PLAG1: variants seen among roughly 807,000 people sequenced by gnomAD.
PLAG1 encodes zinc finger protein PLAG1.
In PLAG1, 7 loss-of-function variants were observed where a neutral mutation model predicts 35.5. The ratio of observed to expected loss-of-function variants is 0.20; its 90% CI spans 0.11 to 0.37. The LOEUF is 0.37. PLAG1 is among the 10% of genes least tolerant of loss of function. The pLI, the probability that PLAG1 is intolerant of heterozygous loss-of-function variation, is 1.00. For missense variants in PLAG1, 454 were observed against 602.8 expected (o/e 0.75, Z 2.58); for synonymous variants, 229 against 225.4 (o/e 1.02, Z -0.14).
intron 1 of PLAG1, among the ~76,000 whole-genome samples, chr8:56,182,450 G>T (rs1340428844): frequency 6.6e-6 from 1 of 152,072 alleles, no homozygotes; most frequent in African/African-American, 2.4e-5. Flanking sequence ...AGGGGAGAAA[G>T]ACCAGAGATA....
intron 1 of PLAG1, among the ~76,000 whole-genome samples, 177 bp downstream of exon 1, chr8:56,210,944 T>A (rs758798039): frequency 1.5e-4 from 23 of 152,160 alleles, no homozygotes; most frequent in South Asian, 4.1e-4. Flanking sequence ...TATTTTATTT[T>A]TTATTATTAT....
At chr8:56,182,552 G>C (rs562151958) in intron 1 of PLAG1, among the ~76,000 whole-genome samples, 5 of 152,054 alleles carry the variant, frequency 3.3e-5, no homozygotes, top group Non-Finnish European at 7.4e-5. Flanking sequence ...TCACCACTTA[G>C]GCATGAGGAC....
In PLAG1 at chr8:56,192,517, TACAAA is replaced by T. The variant is rs747332133; in HGVS notation, c.-321-13009_-321-13005del. Among the ~76,000 whole-genome samples, 6 of 152,218 alleles carry T rather than the reference TACAAA, an allele frequency of 3.9e-5. No individual in the cohort carries two copies. The East Asian group carries it at 9.6e-4, about 24-fold the overall frequency. ...AATGTTACATTTTTAAAAAGCAAGA[TACAAA>T]ACAAAGATCCCAATTCAATTTTTTA... On this transcript the variant is annotated intron_variant, in intron 1 of 4. Transcript: ENST00000316981.
At chr8:56,179,977 T>C (rs1199272285) in intron 1 of PLAG1, among the ~76,000 whole-genome samples, 2 of 152,200 alleles carry the variant, frequency 1.3e-5, no homozygotes, top group Non-Finnish European at 2.9e-5. Flanking sequence ...TGCAAGCCAC[T>C]GAGCACCCTC....
At chr8:56,168,795 T>C (rs1811430165) in intron 3 of PLAG1, among the ~76,000 whole-genome samples, 1 of 152,238 alleles carries the variant, frequency 6.6e-6, no homozygotes, top group South Asian at 2.1e-4. Context: ...TCAGTTTGAT[T>C]TGTGCATGTC....
At chr8:56,195,335 C>T (rs1218053751) in intron 1 of PLAG1, among the ~76,000 whole-genome samples, 1 of 152,160 alleles carries the variant, frequency 6.6e-6, no homozygotes, top group East Asian at 1.9e-4. Context: ...GGAGCCATTA[C>T]CAGGATAAAT....
intron 1 of PLAG1, among the ~76,000 whole-genome samples, chr8:56,194,100 G>A (rs1812277319): frequency 6.6e-6 from 1 of 151,944 alleles, no homozygotes; most frequent in Non-Finnish European, 1.5e-5. Context: ...GATCACTTTA[G>A]GCTAGCAGTT....
intron 1 of PLAG1, among the ~76,000 whole-genome samples, chr8:56,210,768 AGAGGAGGAGGAG>A (rs527954259): frequency 1.7e-4 from 26 of 149,412 alleles, no homozygotes; most frequent in East Asian, 5.9e-4. Context: ...ACAGCACCAG[AGAGGAGGAGGAG>A]GAGGAGGAGG....
intron 1 of PLAG1, among the ~76,000 whole-genome samples, chr8:56,183,951 C>T (rs1388060761): frequency 6.6e-6 from 1 of 152,096 alleles, no homozygotes; most frequent in African/African-American, 2.4e-5. Context: ...ACCAAAAGCA[C>T]AACCCATAAA....
intron 1 of PLAG1, among the ~76,000 whole-genome samples, chr8:56,183,525 T>G (rs1811933897): frequency 1.3e-5 from 2 of 152,224 alleles, no homozygotes; most frequent in Non-Finnish European, 2.9e-5. Flanking sequence ...GCATTTACAC[T>G]ATTATTCCAA....
chr8:56,200,841 C>T (rs2129234180), intron 1 of PLAG1, among the ~76,000 whole-genome samples: 2 of 152,280 alleles, frequency 1.3e-5, no homozygotes, highest in South Asian at 4.1e-4. Flanking sequence ...CTTTACCATT[C>T]ATTTAGCATT....
chr8:56,168,328 G>C lies in PLAG1; in HGVS notation c.-59C>G. The C allele has an allele frequency of 6.7e-7, 1 of 1,501,100 alleles. No homozygotes were observed. The highest frequency in any genetic ancestry group is 8.9e-7 in the Non-Finnish European group (1 of 1,121,732). The allele number at this position is 1,501,100 out of a possible 1,614,324, so 93.0% of individuals were successfully genotyped here. A position where few individuals can be genotyped will look rare whatever the true frequency, so the allele number is the denominator to read the frequency against. On this transcript the variant is annotated 5_prime_UTR_variant, in exon 4 of 5. The change creates a new upstream start codon in the 5' untranslated region. Transcript: ENST00000316981. ...TGGGAACTGCCCAACTCCACTAAAT[G>C]ATATAGCTTTAGGTGGCTTCTCAAG...
At position 56,167,145 on chromosome 8, in the gene PLAG1, G is replaced by A. The variant is rs1037326656; in HGVS notation, c.601C>T (p.Arg201Trp). The A allele has an allele frequency of 5.6e-6, 9 of 1,613,964 alleles. No individual in the cohort carries two copies. Among genetic ancestry groups the A allele is most frequent in the South Asian group, 1.1e-5 (1 of 91,072 alleles). Residue 201 changes from arginine (R) to tryptophan (W), a missense_variant, in exon 5 of 5, where the codon CGG becomes TGG. Arg to Trp is a moderately radical substitution (Grantham distance 101). Around this residue, in one of 4 missense-constraint regions of PLAG1, gnomAD observed 170 missense variants for 226.3 expected, o/e 0.75. Coordinates refer to ENST00000316981, the MANE Select transcript of PLAG1 (RefSeq NM_002655.3). The surrounding 1 kb of genome is among the most constrained non-coding windows in gnomAD (Gnocchi z 5.9). ...DRRFYTRKDV[R>W]RHMVVHTGRK... ...CCAGTGTGCACCACCATGTGTCTCCGGACATCCTTTCGGGTGTAGAACCGG... is the reference window on the plus strand; with the variant it reads ...CCAGTGTGCACCACCATGTGTCTCCAGACATCCTTTCGGGTGTAGAACCGG...
At chr8:56,194,719 G>A (rs1257704811) in intron 1 of PLAG1, among the ~76,000 whole-genome samples, 3 of 152,076 alleles carry the variant, frequency 2.0e-5, no homozygotes, top group Non-Finnish European at 2.9e-5. Context: ...AAGTTGCTTC[G>A]GGGGAGTGGT....
intron 2 of PLAG1, among the ~76,000 whole-genome samples, chr8:56,175,906 T>C (rs553333077): frequency 1.3e-5 from 2 of 152,210 alleles, no homozygotes; most frequent in Non-Finnish European, 2.9e-5. Flanking sequence ...AATGAACAGA[T>C]AACCCAATGA....
chr8:56,185,051 A>G lies in PLAG1; in HGVS notation c.-321-5538T>C, dbSNP rs143530928. Among the ~76,000 whole-genome samples, 38 of 152,380 alleles carry G rather than the reference A, an allele frequency of 2.5e-4. 1 individual carries two copies. In the East Asian group the frequency reaches 6.5e-3, roughly 26 times the overall value. ...AAAGGAATAAGCTATTGATACATAC[A>G]GTAACATGGATGAACCTCAAAATAA... On this transcript the variant is annotated intron_variant, in intron 1 of 4. Coordinates refer to ENST00000316981, the MANE Select transcript of PLAG1 (RefSeq NM_002655.3).
rs760287373 is a variant in PLAG1, at chr8:56,166,768, G to C, written c.978C>G (p.Pro326=). The change falls in exon 5 of 5, where the codon CCC becomes CCG. Residue 326 remains proline (P), a synonymous_variant. Coordinates refer to ENST00000316981, the MANE Select transcript of PLAG1 (RefSeq NM_002655.3). ...TCPIDMDTVH[P]SHHLSFKYPF... ...GATATTTGAAAGAAAGGTGGTGAGAGGGATGAACAGTGTCCATATCTATTG... is the reference window on the plus strand; with the variant it reads ...GATATTTGAAAGAAAGGTGGTGAGACGGATGAACAGTGTCCATATCTATTG... The C allele has an allele frequency of 7.4e-6, 12 of 1,613,984 alleles. No individual in the cohort carries two copies. The highest frequency in any genetic ancestry group is 1.0e-5 in the Non-Finnish European group (12 of 1,179,978).
intron 1 of PLAG1, among the ~76,000 whole-genome samples, chr8:56,208,298 G>A (rs1357851328): frequency 6.6e-6 from 1 of 152,144 alleles, no homozygotes; most frequent in Non-Finnish European, 1.5e-5. Context: ...CATTGGGCAT[G>A]GAGGAGTTTC....
At chr8:56,181,771 A>G (rs1460991718) in intron 1 of PLAG1, among the ~76,000 whole-genome samples, 1 of 152,260 alleles carries the variant, frequency 6.6e-6, no homozygotes, top group African/African-American at 2.4e-5. Flanking sequence ...ATAAATGTTA[A>G]ATAAGATCTG....
Sources: allele counts gnomAD v4.1 joint callset (sites outside exome capture counted in the v4.1 genomes callset), GRCh38; gene constraint gnomAD v4.1.1; regional missense constraint gnomAD v4.1.1; non-coding constraint Gnocchi (gnomAD v3.1); transcripts MANE v1.5; gene names NCBI Gene and HGNC (gene_info 2026-07-23, HGNC 2026-07-21).